Variants in ARHGAP32 observed in about 807,000 individuals in gnomAD.
ARHGAP32 encodes Rho GTPase activating protein 32.
In ARHGAP32, 51 loss-of-function variants were observed where a neutral mutation model predicts 186.5. The observed-to-expected ratio is 0.27, with a 90% CI of 0.22 to 0.35. The LOEUF is 0.35. ARHGAP32 is among the 10% of genes least tolerant of loss of function. ARHGAP32 has a pLI of 1.00. For synonymous variants in ARHGAP32, 950 were observed against 964.3 expected (o/e 0.99, Z 0.27); for missense variants, 2,186 against 2,623.5 (o/e 0.83, Z 3.64).
chr11:128,987,183 T>C (rs141588032), intron 13 of ARHGAP32, among the ~76,000 whole-genome samples: 131 of 152,304 alleles, frequency 8.6e-4, no homozygotes, highest in African/African-American at 3.0e-3. Flanking sequence ...GGAAAATCTG[T>C]ATCATTAGAA....
At chr11:129,158,453 A>G (rs894682001) in intron 2 of ARHGAP32, among the ~76,000 whole-genome samples, 1 of 152,096 alleles carries the variant, frequency 6.6e-6, no homozygotes, top group Non-Finnish European at 1.5e-5. Flanking sequence ...CAGACTGTAA[A>G]CCACAGAGAT....
At chr11:128,989,690 C>T (rs910485242) in intron 12 of ARHGAP32, among the ~76,000 whole-genome samples, 2 of 152,020 alleles carry the variant, frequency 1.3e-5, no homozygotes, top group African/African-American at 4.8e-5. Context: ...GAGTATTTCT[C>T]CTAATGTTAT....
At chr11:129,218,048 T>A (rs922034859) in intron 1 of ARHGAP32, among the ~76,000 whole-genome samples, 2 of 152,216 alleles carry the variant, frequency 1.3e-5, no homozygotes, top group African/African-American at 4.8e-5. Flanking sequence ...GTTGCTCTTG[T>A]CACTGTGCAG....
intron 1 of ARHGAP32, among the ~76,000 whole-genome samples, chr11:129,237,428 C>G (rs1944951245): frequency 6.6e-6 from 1 of 152,088 alleles, no homozygotes; most frequent in Non-Finnish European, 1.5e-5. Flanking sequence ...ACTTTACATT[C>G]TAGTGGGGAT....
intron 1 of ARHGAP32, among the ~76,000 whole-genome samples, chr11:129,227,663 T>C (rs1391774880): frequency 1.3e-5 from 2 of 152,064 alleles, no homozygotes; most frequent in East Asian, 1.9e-4. Flanking sequence ...AGAAAAAAAC[T>C]GTTACTAGAG....
At chr11:129,190,291 C>A (rs535415333) in intron 1 of ARHGAP32, among the ~76,000 whole-genome samples, 146 of 152,324 alleles carry the variant, frequency 9.6e-4, no homozygotes, top group African/African-American at 3.4e-3. Context: ...ACTCTGCTGC[C>A]ACATTTCCTC....
rs189099004 is a variant in ARHGAP32, at chr11:129,046,852, C to T, written c.964-5843G>A. 2.5e-3 allele frequency among the ~76,000 whole-genome samples: 381 copies of T among 152,094 alleles called. 1 individual carries two copies. The highest frequency in any genetic ancestry group is 8.9e-3 in the African/African-American group (369 of 41,488). On this transcript the variant is annotated intron_variant, in intron 10 of 22. Coordinates refer to ENST00000682385, the MANE Select transcript of ARHGAP32 (RefSeq NM_001378024.1). ...AAAAAAAAAAATTCTTGGCCGGGCG[C>T]GGTGGCTCACGCCTGTAATCCCAGC...
chr11:129,086,934 G>T (rs1448491154), intron 6 of ARHGAP32, among the ~76,000 whole-genome samples: 4 of 151,602 alleles, frequency 2.6e-5, no homozygotes, highest in Non-Finnish European at 5.9e-5. Flanking sequence ...ACAGGCAAAA[G>T]ATTTGAACAG....
At chr11:129,194,613 G>A (rs1049451288), upstream of ARHGAP32, among the ~76,000 whole-genome samples, 2 of 152,180 alleles carry the variant, frequency 1.3e-5, no homozygotes, top group Middle Eastern at 3.4e-3. Context: ...ACCAGTAGTT[G>A]TCTCCACGGA....
At chr11:128,984,712 GTAATA>G (rs1008555357) in intron 15 of ARHGAP32, among the ~76,000 whole-genome samples, 6 of 152,052 alleles carry the variant, frequency 3.9e-5, no homozygotes, top group African/African-American at 1.4e-4. Flanking sequence ...TACATGGTAA[GTAATA>G]TAATATATAT....
chr11:129,115,452 T>G (rs547055660), intron 5 of ARHGAP32, among the ~76,000 whole-genome samples: 1 of 152,268 alleles, frequency 6.6e-6, no homozygotes, highest in African/African-American at 2.4e-5. Context: ...AATAGAGCAC[T>G]GTTTTCTCAG....
chr11:128,988,605 T>A (rs985764730), intron 12 of ARHGAP32, among the ~76,000 whole-genome samples: 7 of 152,144 alleles, frequency 4.6e-5, no homozygotes, highest in Admixed American at 2.0e-4. Context: ...TAGAAAAGGA[T>A]CTTCTATATT....
At chr11:129,213,963 T>C (rs1261287494) in intron 1 of ARHGAP32, among the ~76,000 whole-genome samples, 2 of 151,812 alleles carry the variant, frequency 1.3e-5, no homozygotes, top group African/African-American at 4.8e-5. Context: ...ATACCTCAAG[T>C]AGTAATTTTT....
At chr11:129,180,552 T>C (rs553922673) in intron 1 of ARHGAP32, among the ~76,000 whole-genome samples, 1 of 152,300 alleles carries the variant, frequency 6.6e-6, no homozygotes, top group South Asian at 2.1e-4. Context: ...ATAAAAATTA[T>C]ATTTATATAT....
chr11:129,219,009 C>T (rs1367679756), intron 1 of ARHGAP32, among the ~76,000 whole-genome samples: 1 of 152,126 alleles, frequency 6.6e-6, no homozygotes, highest in Non-Finnish European at 1.5e-5. Flanking sequence ...TCAGGGAGCA[C>T]TAAAGTCAGC....
intron 11 of ARHGAP32, among the ~76,000 whole-genome samples, chr11:129,039,753 C>T (rs533978438): frequency 3.8e-4 from 58 of 152,132 alleles, no homozygotes; most frequent in Non-Finnish European, 7.9e-4. Context: ...TTTAAAATAA[C>T]GCCGTATTTT....
At chr11:129,278,843 C>G (rs1945569845) in intron 1 of ARHGAP32, among the ~76,000 whole-genome samples, 1 of 151,008 alleles carries the variant, frequency 6.6e-6, no homozygotes, top group Non-Finnish European at 1.5e-5. Context: ...CCGCCTTGGG[C>G]CCGGGGCGGA....
At chr11:129,165,179 C>T (rs1162676540) in intron 1 of ARHGAP32, among the ~76,000 whole-genome samples, 3 of 152,132 alleles carry the variant, frequency 2.0e-5, no homozygotes, top group East Asian at 3.9e-4. Flanking sequence ...AGAGAAAGAG[C>T]CCAGAAATCT....
chr11:129,188,857 T>C (rs1424686785), intron 1 of ARHGAP32, among the ~76,000 whole-genome samples: 1 of 152,204 alleles, frequency 6.6e-6, no homozygotes, highest in Non-Finnish European at 1.5e-5. Flanking sequence ...TTAAGCACTA[T>C]ATCATCTCTG....
Sources: gnomAD v4.1 joint callset for allele counts (sites outside exome capture counted in the v4.1 genomes callset) on GRCh38, gnomAD v4.1.1 for gene constraint, MANE v1.5 for transcripts, NCBI Gene and HGNC (gene_info 2026-07-23, HGNC 2026-07-21) for gene names.